Variants in TG observed in about 807,000 individuals in gnomAD.
TG encodes the protein thyroid hormones.
Under a neutral mutation model 324.7 loss-of-function variants are expected in TG, and 270 were observed. The ratio of observed to expected loss-of-function variants is 0.83; its 90% confidence interval spans 0.75 to 0.92. The LOEUF is 0.92. Among genes scored for constraint, TG ranks in the 40% least tolerant of loss-of-function variants. The pLI, the probability that TG is intolerant of heterozygous loss-of-function variation, is 0.00. For missense variants in TG, 3,591 were observed against 3,456.4 expected, an observed-to-expected ratio of 1.04 and a Z score of -0.98; for synonymous variants, 1,401 against 1,327.0, an observed-to-expected ratio of 1.06 and a Z score of -1.21.
intron 35 of TG, among the ~76,000 whole-genome samples, chr8:132,984,811 G>T (rs1028568923): frequency 8.6e-5 from 13 of 151,854 alleles, no homozygotes; most frequent in Non-Finnish European, 1.5e-5. Flanking sequence ...GCATAGTAGC[G>T]TACACCTGTA....
At chr8:133,018,977 G>A (rs1056390500) in intron 38 of TG, among the ~76,000 whole-genome samples, 5 of 152,218 alleles carry the variant, frequency 3.3e-5, no homozygotes, top group South Asian at 2.1e-4. Flanking sequence ...ACAAATATGC[G>A]TGAATTAAAG....
At chr8:132,935,396 G>A (rs111868358) in intron 24 of TG, among the ~76,000 whole-genome samples, 3 of 151,700 alleles carry the variant, frequency 2.0e-5, no homozygotes, top group East Asian at 1.9e-4. Flanking sequence ...CACCCGCCTC[G>A]GCCTCCCAAA....
At chr8:132,902,053 T>G (rs1369386672) in intron 16 of TG, among the ~76,000 whole-genome samples, 1 of 152,196 alleles carries the variant, frequency 6.6e-6, no homozygotes, top group East Asian at 1.9e-4. Flanking sequence ...TATATTATTA[T>G]TGATTTTTAA....
chr8:133,103,037 G>A (rs901038333), intron 43 of TG: 1 of 170,966 alleles, frequency 5.8e-6, no homozygotes, highest in Admixed American at 6.0e-5. Flanking sequence ...GTATGCAGGA[G>A]TTTCCAGTGT....
intron 41 of TG, chr8:133,060,049 C>G: frequency 6.6e-7 from 1 of 1,513,240 alleles, no homozygotes; most frequent in Non-Finnish European, 8.8e-7. Flanking sequence ...GTCTTTACCA[C>G]AGGCTCTTGT....
intron 41 of TG, among the ~76,000 whole-genome samples, chr8:133,041,881 A>G (rs752553572): frequency 6.8e-6 from 1 of 148,024 alleles, no homozygotes; most frequent in Non-Finnish European, 1.5e-5. Context: ...TCTGCCTCCC[A>G]GGTTCAAGTG....
At chr8:133,082,655 A>G (rs1564167256) in intron 41 of TG, among the ~76,000 whole-genome samples, 2 of 152,100 alleles carry the variant, frequency 1.3e-5, no homozygotes, top group Non-Finnish European at 2.9e-5. Context: ...CTGCCCTGGT[A>G]TTTTCACCTC....
intron 27 of TG, among the ~76,000 whole-genome samples, chr8:132,956,634 A>C (rs1392300683): frequency 6.6e-6 from 1 of 152,202 alleles, no homozygotes; most frequent in Non-Finnish European, 1.5e-5. Context: ...GGAGGTGGGC[A>C]CTTTGGAGAC....
chr8:132,894,602 G>A (rs560565463), intron 11 of TG, among the ~76,000 whole-genome samples: 1 of 152,216 alleles, frequency 6.6e-6, no homozygotes, highest in African/African-American at 2.4e-5. Context: ...GGGACTACAG[G>A]TGTGTGCCAC....
chr8:133,039,963 A>G (rs770116939), intron 41 of TG: 1 of 1,526,052 alleles, frequency 6.6e-7, no homozygotes, highest in Non-Finnish European at 8.8e-7. Flanking sequence ...GCACACACAC[A>G]CACACACACA....
At chr8:133,097,081 C>T (rs1387619635) in intron 43 of TG, among the ~76,000 whole-genome samples, 1 of 152,212 alleles carries the variant, frequency 6.6e-6, no homozygotes, top group Non-Finnish European at 1.5e-5. Context: ...ACAGGGAAGC[C>T]CAGTGTGCAT....
intron 45 of TG, among the ~76,000 whole-genome samples, chr8:133,123,014 T>G (rs1851258465): frequency 6.6e-6 from 1 of 152,016 alleles, no homozygotes; most frequent in Non-Finnish European, 1.5e-5. Context: ...TGCTGTGCAT[T>G]GAAGGATGTT....
chr8:133,114,761 G>A (rs1447950675), intron 44 of TG, among the ~76,000 whole-genome samples: 2 of 152,316 alleles, frequency 1.3e-5, no homozygotes, highest in South Asian at 4.1e-4. Flanking sequence ...CAGAGCCAAT[G>A]TCAAGGCTCA....
Position 133,072,351 on chromosome 8 carries a change from G to A in TG, c.7240-22693G>A, listed in dbSNP as rs149176854. Reference sequence around the variant, plus strand: ...TGAACAGAGTGTACTTATTTCCTTCGGAACTTGTAGGGAGATTGAGAGAGG... The same window carrying A: ...TGAACAGAGTGTACTTATTTCCTTCAGAACTTGTAGGGAGATTGAGAGAGG... On this transcript the variant is annotated intron_variant, in intron 41 of 47. Coordinates refer to ENST00000220616, the MANE Select transcript of TG (RefSeq NM_003235.5). Among the ~76,000 whole-genome samples the A allele has an allele frequency of 1.9e-3, 288 of 152,262 alleles. 12 individuals are homozygous for A. In the East Asian group the frequency reaches 0.047, roughly 25 times the overall value.
intron 34 of TG, 79 bp from the exon 35 acceptor site, chr8:132,983,271 A>T: frequency 3.4e-6 from 5 of 1,470,866 alleles, no homozygotes; most frequent in Non-Finnish European, 4.8e-6. Flanking sequence ...TCACCATCTT[A>T]TACTTATATT....
At chr8:133,092,853 C>T (rs1847784531) in intron 41 of TG, among the ~76,000 whole-genome samples, 1 of 152,188 alleles carries the variant, frequency 6.6e-6, no homozygotes, top group African/African-American at 2.4e-5. Flanking sequence ...AGGTTTCCTT[C>T]AGAAAGATCA....
intron 45 of TG, among the ~76,000 whole-genome samples, chr8:133,124,681 A>C (rs1399882265): frequency 6.6e-6 from 1 of 152,184 alleles, no homozygotes; most frequent in Non-Finnish European, 1.5e-5. Flanking sequence ...TTTTCCTTTT[A>C]GGAAAACTGA....
chr8:133,074,742 G>A, intron 41 of TG: 1 of 542,912 alleles, frequency 1.8e-6, no homozygotes, highest in Non-Finnish European at 2.3e-6. Flanking sequence ...TGCCCCACCT[G>A]TTCTCAGGGA....
intron 28 of TG, among the ~76,000 whole-genome samples, chr8:132,962,466 C>A (rs1432864707): frequency 1.3e-5 from 2 of 152,300 alleles, no homozygotes; most frequent in East Asian, 3.9e-4. Flanking sequence ...GAGGGACTTA[C>A]ATTTCTCCAG....
Sources: gnomAD v4.1 joint callset for allele counts (sites outside exome capture counted in the v4.1 genomes callset) on GRCh38, gnomAD v4.1.1 for gene constraint, MANE v1.5 for transcripts, NCBI Gene and HGNC (gene_info 2026-07-23, HGNC 2026-07-21) for gene names.